Variants in FARP1 observed in about 807,000 individuals in gnomAD.
The protein encoded by FARP1 is FERM, ARH/RhoGEF and pleckstrin domain protein 1.
In FARP1, 52 loss-of-function variants were observed where a neutral mutation model predicts 128.8. That is an observed-to-expected ratio of 0.40 (90% confidence interval 0.32 to 0.51). The LOEUF is 0.51. Ranked by LOEUF, FARP1 falls within the 20% of genes least tolerant of loss-of-function variation. FARP1 has a pLI of 0.45. For synonymous variants in FARP1, 580 were observed against 551.8 expected (o/e 1.05, Z -0.72); for missense variants, 1,333 against 1,367.9 (o/e 0.97, Z 0.40).
intron 1 of FARP1, among the ~76,000 whole-genome samples, chr13:98,164,860 A>T (rs1877131464): frequency 6.6e-6 from 1 of 152,112 alleles, no homozygotes. Context: ...CGGGTGGATC[A>T]CTTGAGGTCA....
In FARP1 at chr13:98,448,856, C is replaced by T. The variant is rs1357007906; in HGVS notation, c.*539C>T. On this transcript the variant is annotated 3_prime_UTR_variant, in exon 27 of 27. Coordinates refer to ENST00000319562, the MANE Select transcript of FARP1 (RefSeq NM_005766.4). ...GTAATAATAGGAAGTTAGTAGGACT[C>T]ACTTCTCTGATTAATAAGCAATTTG... 6.6e-6 allele frequency: 1 copy of T among 152,132 alleles called. No homozygotes were observed. Among genetic ancestry groups the T allele is most frequent in the Non-Finnish European group, 1.5e-5 (1 of 68,246 alleles). The allele number at this position is 152,132 out of a possible 1,614,324, so 9.4% of individuals were successfully genotyped here.
chr13:98,316,168 C>A (rs1467668700), intron 2 of FARP1, among the ~76,000 whole-genome samples: 2 of 152,138 alleles, frequency 1.3e-5, no homozygotes, highest in Non-Finnish European at 2.9e-5. Flanking sequence ...CAGGAAGGTG[C>A]TGAGCTATTT....
chr13:98,371,559 T>C (rs1187748715), intron 5 of FARP1, among the ~76,000 whole-genome samples: 1 of 92,192 alleles, frequency 1.1e-5, no homozygotes, highest in Non-Finnish European at 3.0e-5. Context: ...AAATTCCTAC[T>C]TTTTTTTTTA....
At chr13:98,444,110 T>A (rs1892669478) in intron 24 of FARP1, among the ~76,000 whole-genome samples, 1 of 142,804 alleles carries the variant, frequency 7.0e-6, no homozygotes, top group Non-Finnish European at 1.6e-5. Flanking sequence ...AGTCTTCTTC[T>A]CGGGGGGTCC....
intron 2 of FARP1, among the ~76,000 whole-genome samples, chr13:98,248,724 G>C (rs1883184762): frequency 6.6e-6 from 1 of 152,012 alleles, no homozygotes; most frequent in African/African-American, 2.4e-5. Context: ...GAACTCAAAT[G>C]AGGGTCTGCC....
At chr13:98,289,741 C>T (rs1443343279) in intron 2 of FARP1, among the ~76,000 whole-genome samples, 1 of 152,246 alleles carries the variant, frequency 6.6e-6, no homozygotes, top group Middle Eastern at 3.4e-3. Context: ...TGCTCGCTGT[C>T]CTGTGGGTTA....
At chr13:98,208,708 A>T (rs1566742300) in intron 1 of FARP1, 1 of 152,788 alleles carries the variant, frequency 6.5e-6, no homozygotes, top group African/African-American at 2.4e-5. Context: ...GACAGTGATC[A>T]GGTGTTTCCT....
At chr13:98,445,859 G>GTCTA (rs150224659) in intron 24 of FARP1, 2 of 494,054 alleles carry the variant, frequency 4.0e-6, no homozygotes, top group Admixed American at 3.6e-5. Context: ...ACCTCAACGT[G>GTCTA]TCTTTTGGGG....
chr13:98,420,886 A>C (rs1237640072), intron 16 of FARP1, among the ~76,000 whole-genome samples: 1 of 152,190 alleles, frequency 6.6e-6, no homozygotes, highest in Non-Finnish European at 1.5e-5. Context: ...ATGTAGAGGA[A>C]ATAAAACCAT....
Position 98,226,476 on chromosome 13 carries a change from C to CT in FARP1, c.171+13076dup, listed in dbSNP as rs61064188. Among the ~76,000 whole-genome samples the CT allele has an allele frequency of 4.5e-3, 660 of 145,978 alleles. 3 individuals are homozygous for CT. The highest frequency in any genetic ancestry group is 0.018 in the Middle Eastern group (5 of 272). ...CAGGTACCAGGGATTAGGACTTCATCTTTTTTTTTTTTTGTGGAGGAGGGG... is the reference window on the plus strand; with the variant it reads ...CAGGTACCAGGGATTAGGACTTCATCTTTTTTTTTTTTTTGTGGAGGAGGGG... On this transcript the variant is annotated intron_variant, in intron 2 of 26. Coordinates refer to ENST00000319562, the MANE Select transcript of FARP1 (RefSeq NM_005766.4).
chr13:98,439,189 G>A lies in FARP1; in HGVS notation c.2426G>A (p.Gly809Asp). The A allele has an allele frequency of 1.2e-6, 2 of 1,611,954 alleles. No homozygotes were observed. The highest frequency in any genetic ancestry group is 8.5e-7 in the Non-Finnish European group (1 of 1,178,452). Residue 809 changes from glycine (G) to aspartate (D), a missense_variant, in exon 21 of 27, where the codon GGC (glycine) becomes GAC (aspartate). Around this residue, in one of 2 missense-constraint regions of FARP1, gnomAD observed 1,009 missense variants for 969.8 expected, o/e 1.04. Transcript: ENST00000319562. Reference protein sequence around the residue: ...FKVHGQLPLYGMTIEESEDEW... With the variant: ...FKVHGQLPLYDMTIEESEDEW... ...GTCCACGGGCAGCTCCCGCTCTATGGCATGACGGTGAGTACAGCACAGGCT... is the reference window on the plus strand; with the variant it reads ...GTCCACGGGCAGCTCCCGCTCTATGACATGACGGTGAGTACAGCACAGGCT...
upstream of FARP1, chr13:98,142,914 C>T (rs540866408): frequency 6.6e-6 from 1 of 151,346 alleles, no homozygotes; most frequent in South Asian, 2.1e-4. Context: ...GCGCTGGGCT[C>T]GGGAGGCCCC....
chr13:98,301,280 G>A (rs1885912837), intron 2 of FARP1, among the ~76,000 whole-genome samples: 1 of 152,144 alleles, frequency 6.6e-6, no homozygotes, highest in Non-Finnish European at 1.5e-5. Context: ...GGACTTGTAG[G>A]GCTTTCTCTG....
At chr13:98,382,601 A>T (rs1414257179) in intron 6 of FARP1, 1 of 152,178 alleles carries the variant, frequency 6.6e-6, no homozygotes, top group Non-Finnish European at 1.5e-5. Context: ...TCTGTCTGAA[A>T]ATTCGCTTAT....
chr13:98,204,351 G>C (rs1313763004), intron 1 of FARP1, among the ~76,000 whole-genome samples: 2 of 152,092 alleles, frequency 1.3e-5, no homozygotes, highest in Non-Finnish European at 2.9e-5. Flanking sequence ...TCATGTTTTT[G>C]CAGATTTAAA....
At chr13:98,323,176 ATTATT>A (rs1887077043) in intron 2 of FARP1, among the ~76,000 whole-genome samples, 2 of 152,320 alleles carry the variant, frequency 1.3e-5, no homozygotes, top group African/African-American at 4.8e-5. Flanking sequence ...TGATCAATAT[ATTATT>A]TTAACACTTT....
At chr13:98,261,567 T>C (rs1305537083) in intron 2 of FARP1, among the ~76,000 whole-genome samples, 3 of 151,220 alleles carry the variant, frequency 2.0e-5, no homozygotes, top group Non-Finnish European at 4.4e-5. Context: ...TTGAATACAA[T>C]GGGAAGGGTG....
intron 11 of FARP1, among the ~76,000 whole-genome samples, chr13:98,393,276 C>T (rs985453373): frequency 3.9e-5 from 6 of 152,190 alleles, no homozygotes; most frequent in African/African-American, 1.4e-4. Context: ...TTCATATTGT[C>T]AGACCATAGC....
At chr13:98,417,408 A>G (rs1400831805) in intron 16 of FARP1, among the ~76,000 whole-genome samples, 1 of 142,888 alleles carries the variant, frequency 7.0e-6, no homozygotes. Context: ...AACGTAGATC[A>G]TGGCAGCATA....
Sources: allele counts gnomAD v4.1 joint callset (sites outside exome capture counted in the v4.1 genomes callset), GRCh38; gene constraint gnomAD v4.1.1; regional missense constraint gnomAD v4.1.1; transcripts MANE v1.5; gene names NCBI Gene and HGNC (gene_info 2026-07-23, HGNC 2026-07-21).